Variants in TSPAN7 observed in about 807,000 individuals in gnomAD.
The protein encoded by TSPAN7 is tetraspanin 7, also known as tetraspanin-7.
TSPAN7 carries 1 observed loss-of-function variant against 17.6 expected under a neutral mutation model. That is an observed-to-expected ratio of 0.06 (90% CI 0.02 to 0.27). The LOEUF (loss-of-function observed/expected upper bound fraction) is 0.27, where lower values mean the gene tolerates loss of function less well. Ranked by LOEUF, TSPAN7 falls within the 10% of genes least tolerant of loss-of-function variation. The pLI, the probability that TSPAN7 is intolerant of heterozygous loss-of-function variation, is 1.00. For synonymous variants in TSPAN7, 78 were observed against 79.0 expected (o/e 0.99, Z 0.07); for missense variants, 112 against 201.7 (o/e 0.56, Z 2.69).
intron 1 of TSPAN7, chrX:38,563,219 A>G: frequency 1.3e-6 from 1 of 777,737 alleles, no homozygotes; most frequent in Non-Finnish European, 1.6e-6. Context: ...CACAAGGCAA[A>G]CACAGAAACG....
At chrX:38,680,321 T>C (rs185042045) in intron 5 of TSPAN7, among the ~76,000 whole-genome samples, 9 of 111,225 alleles carry the variant, frequency 8.1e-5, no homozygotes, top group South Asian at 7.6e-4. Flanking sequence ...TTTTTTTTTT[T>C]CTTCAAATGT....
chrX:38,631,443 C>T (rs1337603659), intron 1 of TSPAN7, among the ~76,000 whole-genome samples: 1 of 111,379 alleles, frequency 9.0e-6, no homozygotes, highest in African/African-American at 3.3e-5. Flanking sequence ...CAAAGGTGTG[C>T]TCAGATAGAA....
intron 1 of TSPAN7, among the ~76,000 whole-genome samples, chrX:38,647,597 C>T (rs1001834456): frequency 2.7e-5 from 3 of 112,390 alleles, no homozygotes; most frequent in Non-Finnish European, 5.6e-5. Flanking sequence ...CAATTGTTTG[C>T]ATGCTATTAA....
chrX:38,619,675 C>T (rs988346092), intron 1 of TSPAN7, among the ~76,000 whole-genome samples: 2 of 111,602 alleles, frequency 1.8e-5, no homozygotes, highest in Admixed American at 1.9e-4. Context: ...TTGACATTCT[C>T]GGTTTTGTGT....
At chrX:38,636,043 T>C (rs1162412801) in intron 1 of TSPAN7, among the ~76,000 whole-genome samples, 1 of 109,641 alleles carries the variant, frequency 9.1e-6, no homozygotes, top group African/African-American at 3.3e-5. Context: ...ATTAATTTTA[T>C]GCATTTGCTA....
chrX:38,617,816 A>G (rs978170753), intron 1 of TSPAN7, among the ~76,000 whole-genome samples: 1 of 111,812 alleles, frequency 8.9e-6, no homozygotes, highest in African/African-American at 3.3e-5. Context: ...TTACCCATCC[A>G]TTTGATCAGA....
At chrX:38,637,899 A>G (rs1458476041) in intron 1 of TSPAN7, among the ~76,000 whole-genome samples, 1 of 111,941 alleles carries the variant, frequency 8.9e-6, no homozygotes, top group African/African-American at 3.3e-5. Flanking sequence ...AGGATGTGTC[A>G]ATATTAGTGT....
chrX:38,613,972 G>GT lies in TSPAN7; in HGVS notation c.82-52137dup, dbSNP rs1335437449. Among the ~76,000 whole-genome samples, 204 of 100,000 alleles carry GT rather than the reference G, an allele frequency of 2.0e-3. 1 individual carries two copies. Among genetic ancestry groups the GT allele is most frequent in the African/African-American group, 4.2e-3 (119 of 28,028 alleles). The allele number at this position is 100,000 out of a possible 115,157, so 86.8% of individuals were successfully genotyped here. ...CAGCTTTGGTCACTGCTGGTTTGAG[G>GT]TTTTTTTTTTTTCTTTTTTTTTTTC... On this transcript the variant is annotated intron_variant, in intron 1 of 7. Transcript: ENST00000378482.
At chrX:38,680,833 T>C (rs972561993) in intron 5 of TSPAN7, among the ~76,000 whole-genome samples, 2 of 111,751 alleles carry the variant, frequency 1.8e-5, no homozygotes, top group Admixed American at 1.9e-4. Flanking sequence ...GTCTCTATAG[T>C]GTTTGCTTCA....
chrX:38,589,133 T>C (rs2069275974), intron 1 of TSPAN7, among the ~76,000 whole-genome samples: 2 of 112,060 alleles, frequency 1.8e-5, no homozygotes, highest in African/African-American at 6.5e-5. Flanking sequence ...TGCTCAAGCC[T>C]TTAGTTGCTT....
intron 1 of TSPAN7, among the ~76,000 whole-genome samples, chrX:38,634,047 T>C (rs1446851679): frequency 8.9e-6 from 1 of 112,242 alleles, no homozygotes; most frequent in Non-Finnish European, 1.9e-5. Flanking sequence ...TTATTCTAGT[T>C]CATGGTGGCT....
intron 1 of TSPAN7, among the ~76,000 whole-genome samples, chrX:38,607,495 G>A (rs1465167732): frequency 9.0e-6 from 1 of 111,150 alleles, no homozygotes; most frequent in African/African-American, 3.3e-5. Context: ...TGGAGAGCTA[G>A]TAAACATGCA....
At chrX:38,643,231 G>A (rs2069624198) in intron 1 of TSPAN7, among the ~76,000 whole-genome samples, 1 of 110,188 alleles carries the variant, frequency 9.1e-6, no homozygotes, top group Non-Finnish European at 1.9e-5. Flanking sequence ...ATTAGTAGTG[G>A]AGGAGGAGGG....
intron 1 of TSPAN7, among the ~76,000 whole-genome samples, chrX:38,601,142 G>T (rs2069344543): frequency 8.9e-6 from 1 of 111,838 alleles, no homozygotes; most frequent in Non-Finnish European, 1.9e-5. Flanking sequence ...AGAAGACCAT[G>T]ATATTCTGAA....
At chrX:38,584,144 G>A (rs1356115009) in intron 1 of TSPAN7, among the ~76,000 whole-genome samples, 2 of 107,943 alleles carry the variant, frequency 1.9e-5, no homozygotes, top group East Asian at 2.9e-4. Flanking sequence ...TAGTAGAGAC[G>A]GGGTTTCACC....
intron 1 of TSPAN7, among the ~76,000 whole-genome samples, chrX:38,576,291 G>T (rs1451948574): frequency 1.8e-5 from 2 of 111,601 alleles, no homozygotes; most frequent in Non-Finnish European, 3.8e-5. Flanking sequence ...AATGAAGAAA[G>T]GCTCATGATT....
intron 1 of TSPAN7, among the ~76,000 whole-genome samples, chrX:38,634,161 T>A (rs950285665): frequency 8.9e-6 from 1 of 112,008 alleles, no homozygotes; most frequent in South Asian, 3.7e-4. Flanking sequence ...TGTATACAGA[T>A]GGTCTTAGTG....
chrX:38,668,786 A>T (rs1315047873), intron 2 of TSPAN7, among the ~76,000 whole-genome samples: 1 of 111,614 alleles, frequency 9.0e-6, no homozygotes, highest in Non-Finnish European at 1.9e-5. Flanking sequence ...TTGGGTATAT[A>T]CCCCGCAGTA....
chrX:38,603,817 A>G (rs898187206), intron 1 of TSPAN7, among the ~76,000 whole-genome samples: 1 of 109,271 alleles, frequency 9.2e-6, no homozygotes, highest in African/African-American at 3.4e-5. Context: ...TTAATATTTT[A>G]TTTATTTTTT....
Sources: gnomAD v4.1 joint callset for allele counts (sites outside exome capture counted in the v4.1 genomes callset) on GRCh38, gnomAD v4.1.1 for gene constraint, MANE v1.5 for transcripts, NCBI Gene and HGNC (gene_info 2026-07-23, HGNC 2026-07-21) for gene names.